The following NAALAD2 variants were observed in gnomAD, a reference collection of about 807,000 sequenced individuals.
The protein encoded by NAALAD2 is N-acetylated-alpha-linked acidic dipeptidase 2.
In NAALAD2, 89 loss-of-function variants were observed where a neutral mutation model predicts 95.6. The ratio of observed to expected loss-of-function variants is 0.93; its 90% confidence interval spans 0.78 to 1.11. The LOEUF is 1.11. Among genes scored for constraint, NAALAD2 ranks in the 50% least tolerant of loss-of-function variants. NAALAD2 has a pLI of 0.00. For missense variants in NAALAD2, 894 were observed against 872.4 expected, an observed-to-expected ratio of 1.02 and a Z score of -0.31; for synonymous variants, 264 against 294.4, an observed-to-expected ratio of 0.90 and a Z score of 1.06.
chr11:90,154,027 C>T (rs1951956481), intron 6 of NAALAD2, among the ~76,000 whole-genome samples: 2 of 62,248 alleles, frequency 3.2e-5, no homozygotes, highest in Non-Finnish European at 6.5e-5. Context: ...CATGCCCTTC[C>T]TTCCTCTCTC....
intron 13 of NAALAD2, among the ~76,000 whole-genome samples, chr11:90,171,269 C>G (rs1198534086): frequency 6.6e-6 from 1 of 152,142 alleles, no homozygotes; most frequent in Non-Finnish European, 1.5e-5. Context: ...GTAGATATCA[C>G]TTCTCTCTGG....
intron 8 of NAALAD2, chr11:90,162,649 TTAAA>T (rs549796292): frequency 1.1e-4 from 19 of 171,786 alleles, no homozygotes; most frequent in Non-Finnish European, 2.1e-4. Context: ...ATTTTGAATT[TTAAA>T]TAAATAACAA....
chr11:90,174,463 A>G (rs993479861), intron 14 of NAALAD2, among the ~76,000 whole-genome samples: 1 of 152,188 alleles, frequency 6.6e-6, no homozygotes, highest in South Asian at 2.1e-4. Context: ...TAGTTTCGCT[A>G]CATTATTAGC....
chr11:90,187,451 T>G (rs942124439), intron 18 of NAALAD2, among the ~76,000 whole-genome samples: 1 of 152,232 alleles, frequency 6.6e-6, no homozygotes, highest in Non-Finnish European at 1.5e-5. Flanking sequence ...TTTAGTCTAC[T>G]GCAGTAGTAT....
chr11:90,187,886 ATATG>A (rs1231180892), intron 18 of NAALAD2, among the ~76,000 whole-genome samples: 10 of 152,240 alleles, frequency 6.6e-5, no homozygotes, highest in South Asian at 2.1e-4. Context: ...TGTACATTAC[ATATG>A]TATGTATTGT....
chr11:90,168,863 C>T lies in NAALAD2; in HGVS notation c.1279-66C>T. 3 of 1,299,270 alleles carry T rather than the reference C, an allele frequency of 2.3e-6. No individual in the cohort carries two copies. The South Asian group carries it at 3.8e-5, about 17-fold the overall frequency. 80.5% of individuals were successfully genotyped at this position (1,299,270 alleles called of 1,614,324 possible). On this transcript the variant is annotated intron_variant, in intron 11 of 18. Coordinates refer to ENST00000534061, the MANE Select transcript of NAALAD2 (RefSeq NM_005467.4). ...ACCGCTTTTCCACGAAATTAATTTG[C>T]TTATTTTGTTTACATTTTCACAACT...
intron 11 of NAALAD2, among the ~76,000 whole-genome samples, chr11:90,168,467 G>A (rs888632177): frequency 2.6e-5 from 4 of 152,108 alleles, no homozygotes; most frequent in Non-Finnish European, 4.4e-5. Context: ...AGATCGTGCC[G>A]CTGCATTCTA....
rs778576171 is a variant in NAALAD2, at chr11:90,183,021, C to G, written c.2033+13C>G. 2 of 1,596,122 alleles carry G rather than the reference C, an allele frequency of 1.3e-6. No homozygotes were observed. Among genetic ancestry groups the G allele is most frequent in the Non-Finnish European group, 1.7e-6 (2 of 1,164,072 alleles). On this transcript the variant is annotated intron_variant, in intron 18 of 18. Coordinates refer to ENST00000534061, the MANE Select transcript of NAALAD2 (RefSeq NM_005467.4). ...AGCTGTTCTATAGGTAAGGAAACAA[C>G]AGGCGCCAAATACATCACTGTGACC...
intron 11 of NAALAD2, 145 bp from the exon 12 acceptor site, chr11:90,168,784 A>G: frequency 3.1e-6 from 2 of 641,780 alleles, no homozygotes; most frequent in Non-Finnish European, 5.5e-6. Flanking sequence ...GCATTTTCTC[A>G]GAAATTAGGG....
In NAALAD2 at chr11:90,173,932, C is replaced by T. The variant is rs767749039; in HGVS notation, c.1502+17C>T. On this transcript the variant is annotated intron_variant, in intron 14 of 18. Transcript: ENST00000534061. The stretch of plus-strand genomic sequence containing the variant: ...TTTGCCTAGGTAAGTTACTGATATG[C>T]ACCTTTTCTACTGTAGGATAAGTTA... 6.6e-7 allele frequency: 1 copy of T among 1,504,342 alleles called. No individual in the cohort carries two copies. Among genetic ancestry groups the T allele is most frequent in the Admixed American group, 1.7e-5 (1 of 59,050 alleles). The allele number at this position is 1,504,342 out of a possible 1,614,324, so 93.2% of individuals were successfully genotyped here.
At chr11:90,159,898 G>A (rs1464984006) in intron 8 of NAALAD2, among the ~76,000 whole-genome samples, 1 of 113,998 alleles carries the variant, frequency 8.8e-6, no homozygotes, top group Non-Finnish European at 1.9e-5. Flanking sequence ...AGGTTGCGGT[G>A]AGCTGAGATC....
chr11:90,149,874 T>C (rs188205829), intron 4 of NAALAD2, among the ~76,000 whole-genome samples: 61 of 152,330 alleles, frequency 4.0e-4, no homozygotes, highest in African/African-American at 1.4e-3. Context: ...TAAATATAGT[T>C]AGGATCTTTA....
At chr11:90,164,594 T>A (rs1952384686) in intron 11 of NAALAD2, among the ~76,000 whole-genome samples, 1 of 147,998 alleles carries the variant, frequency 6.8e-6, no homozygotes, top group Non-Finnish European at 1.5e-5. Context: ...CATGTATTAA[T>A]AATAATAATT....
chr11:90,139,755 A>G (rs758913541), intron 2 of NAALAD2, among the ~76,000 whole-genome samples: 25 of 152,266 alleles, frequency 1.6e-4, no homozygotes, highest in Non-Finnish European at 3.1e-4. Flanking sequence ...ACACCCACAT[A>G]AAAGCTACAT....
chr11:90,143,803 A>T (rs898450080), intron 2 of NAALAD2, among the ~76,000 whole-genome samples: 2 of 152,134 alleles, frequency 1.3e-5, no homozygotes, highest in Non-Finnish European at 2.9e-5. Flanking sequence ...TGCATTTTCA[A>T]TTTAGTAATA....
chr11:90,182,337 C>A (rs1260490578), intron 17 of NAALAD2, among the ~76,000 whole-genome samples: 3 of 152,010 alleles, frequency 2.0e-5, no homozygotes, highest in Non-Finnish European at 1.5e-5. Flanking sequence ...TGCTACTTCC[C>A]ATATTGGAAG....
chr11:90,176,313 A>T (rs1434908136), intron 15 of NAALAD2, among the ~76,000 whole-genome samples: 2 of 152,202 alleles, frequency 1.3e-5, no homozygotes, highest in Non-Finnish European at 2.9e-5. Flanking sequence ...TTATCTGGTT[A>T]ATCAGTACTA....
At chr11:90,174,111 C>T (rs566943302) in intron 14 of NAALAD2, among the ~76,000 whole-genome samples, 196 bp downstream of exon 14, 3 of 152,244 alleles carry the variant, frequency 2.0e-5, no homozygotes, top group African/African-American at 7.2e-5. Flanking sequence ...GCGGGTGGAT[C>T]ACCTGAGGTC....
intron 18 of NAALAD2, among the ~76,000 whole-genome samples, chr11:90,184,800 T>A (rs117612807): frequency 0.038 from 5,852 of 152,146 alleles, 158 homozygotes; most frequent in Non-Finnish European, 0.057. Flanking sequence ...ATGTATATAG[T>A]CAGCCCTCTG....
Sources: gnomAD v4.1 joint callset for allele counts (sites outside exome capture counted in the v4.1 genomes callset) on GRCh38, gnomAD v4.1.1 for gene constraint, MANE v1.5 for transcripts, NCBI Gene and HGNC (gene_info 2026-07-23, HGNC 2026-07-21) for gene names.